STAG1: variants seen among roughly 807,000 people sequenced by gnomAD.
The protein encoded by STAG1 is STAG1 cohesin complex component, also known as cohesin subunit SA-1.
Under a neutral mutation model 170.9 loss-of-function variants are expected in STAG1, and 26 were observed. The ratio of observed to expected loss-of-function variants is 0.15; its 90% CI spans 0.11 to 0.21. STAG1 has a LOEUF of 0.21. Among genes scored for constraint, STAG1 ranks in the 10% least tolerant of loss-of-function variants. The pLI, the probability that STAG1 is intolerant of heterozygous loss-of-function variation, is 1.00. For missense variants in STAG1, 964 were observed against 1,509.5 expected, an observed-to-expected ratio of 0.64 and a Z score of 5.99; for synonymous variants, 514 against 497.7, an observed-to-expected ratio of 1.03 and a Z score of -0.44.
chr3:136,458,450 C>T (rs1172281591), intron 13 of STAG1, among the ~76,000 whole-genome samples: 1 of 152,190 alleles, frequency 6.6e-6, no homozygotes, highest in African/African-American at 2.4e-5. Context: ...AGCCACCATG[C>T]CCTACATAAA....
At chr3:136,634,214 T>TG (rs1940457807) in intron 1 of STAG1, among the ~76,000 whole-genome samples, 1 of 151,470 alleles carries the variant, frequency 6.6e-6, no homozygotes, top group African/African-American at 2.4e-5. Flanking sequence ...TAACCAGGCG[T>TG]GGTGGCACAC....
At chr3:136,533,991 G>A (rs2107714794) in intron 6 of STAG1, among the ~76,000 whole-genome samples, 1 of 152,242 alleles carries the variant, frequency 6.6e-6, no homozygotes, top group Non-Finnish European at 1.5e-5. Flanking sequence ...AGGCATTACA[G>A]CCTGACTTCA....
chr3:136,518,073 TA>T (rs1310301543), intron 7 of STAG1: 1 of 264,286 alleles, frequency 3.8e-6, no homozygotes, highest in Non-Finnish European at 7.0e-6. Flanking sequence ...AATAAAAATG[TA>T]AAAGTATACA....
At chr3:136,660,554 C>T (rs1278095507) in intron 1 of STAG1, among the ~76,000 whole-genome samples, 3 of 152,078 alleles carry the variant, frequency 2.0e-5, no homozygotes, top group Admixed American at 6.6e-5. Context: ...CACTCAAATA[C>T]AGGAAAGGAA....
chr3:136,450,235 G>C (rs2088898269), intron 14 of STAG1, among the ~76,000 whole-genome samples: 1 of 152,174 alleles, frequency 6.6e-6, no homozygotes, highest in Non-Finnish European at 1.5e-5. Context: ...TGCAAAGTGT[G>C]ATCCTTGGAC....
At chr3:136,433,696 G>GC (rs1559798795) in intron 15 of STAG1, 37 bp from the exon 16 acceptor site, 1 of 1,362,476 alleles carries the variant, frequency 7.3e-7, no homozygotes, top group Admixed American at 1.8e-5. Flanking sequence ...TGAGTAGACA[G>GC]TTTTACAACA....
At chr3:136,444,778 C>G (rs1487854037) in intron 14 of STAG1, among the ~76,000 whole-genome samples, 2 of 152,188 alleles carry the variant, frequency 1.3e-5, no homozygotes, top group African/African-American at 4.8e-5. Context: ...TATTGGTTAT[C>G]TACTGTTATC....
chr3:136,395,322 T>G (rs990254884), intron 22 of STAG1, among the ~76,000 whole-genome samples: 1 of 151,976 alleles, frequency 6.6e-6, no homozygotes, highest in Non-Finnish European at 1.5e-5. Context: ...GGAATATAGT[T>G]GTAAAAAGAC....
intron 29 of STAG1, among the ~76,000 whole-genome samples, chr3:136,347,988 C>G (rs1393417342): frequency 2.6e-5 from 4 of 152,162 alleles, no homozygotes; most frequent in Non-Finnish European, 5.9e-5. Flanking sequence ...CATCAACAGT[C>G]AATACTGTTT....
At chr3:136,603,179 C>T (rs1307311947) in intron 4 of STAG1, among the ~76,000 whole-genome samples, 1 of 151,580 alleles carries the variant, frequency 6.6e-6, no homozygotes, top group Non-Finnish European at 1.5e-5. Flanking sequence ...ATAGTAATTC[C>T]GTTTCACAAT....
intron 1 of STAG1, among the ~76,000 whole-genome samples, chr3:136,690,009 T>G (rs1174575793): frequency 8.0e-6 from 1 of 124,624 alleles, no homozygotes; most frequent in Non-Finnish European, 1.5e-5. Flanking sequence ...CACCGCACTC[T>G]ACCCTGAGCA....
chr3:136,538,731 ACTT>A lies in STAG1; in HGVS notation c.471+3385_471+3387del, dbSNP rs550831540. On this transcript the variant is annotated intron_variant, in intron 6 of 33. Transcript: ENST00000383202. Reference sequence around the variant, plus strand: ...CACCATGCCTGACCACCACATAGTTACTTCTTAAGCACTCCTCTCGTACGTTAA... The same window carrying A: ...CACCATGCCTGACCACCACATAGTTACTTAAGCACTCCTCTCGTACGTTAA... Among the ~76,000 whole-genome samples, 542 of 152,188 alleles carry A rather than the reference ACTT, an allele frequency of 3.6e-3. 7 individuals are homozygous for A. Among genetic ancestry groups the A allele is most frequent in the Middle Eastern group, 0.014 (4 of 294 alleles).
chr3:136,732,495 GAAGA>G (rs1386857934), intron 1 of STAG1, among the ~76,000 whole-genome samples: 5 of 152,172 alleles, frequency 3.3e-5, no homozygotes, highest in African/African-American at 9.7e-5. Flanking sequence ...GCACTTTTCT[GAAGA>G]AAGAAAAGGA....
chr3:136,656,483 G>A (rs1443644857), intron 1 of STAG1, among the ~76,000 whole-genome samples: 1 of 151,942 alleles, frequency 6.6e-6, no homozygotes, highest in East Asian at 1.9e-4. Context: ...GGTGGGGGTA[G>A]AAACGGTGGT....
rs186971785 is a variant in STAG1, at chr3:136,734,684, G to A, written c.-84+17511C>T. Among the ~76,000 whole-genome samples, 1,065 of 152,004 alleles carry A rather than the reference G, an allele frequency of 7.0e-3. 15 individuals are homozygous for A. Among genetic ancestry groups the A allele is most frequent in the African/African-American group, 0.024 (985 of 41,454 alleles). Reference sequence around the variant, plus strand: ...CCACCCACATTTCATTAACCCTATTGGTTTGTTTTGTTGCTTTAGGGGTGT... The same window carrying A: ...CCACCCACATTTCATTAACCCTATTAGTTTGTTTTGTTGCTTTAGGGGTGT... On this transcript the variant is annotated intron_variant, in intron 1 of 33. Transcript: ENST00000383202.
At position 136,692,313 on chromosome 3, in the gene STAG1, C is replaced by CAAAAA. The variant is rs71157399; in HGVS notation, c.-84+59877_-84+59881dup. On this transcript the variant is annotated intron_variant, in intron 1 of 33. Transcript: ENST00000383202. Reference sequence around the variant, plus strand: ...TGGGTGACTAAGCAAGACTCCATCTCAAAAAAAAAAAAAAAAAAAAAAAAA... The same window carrying CAAAAA: ...TGGGTGACTAAGCAAGACTCCATCTCAAAAAAAAAAAAAAAAAAAAAAAAAAAAAA... Among the ~76,000 whole-genome samples, 103 of 46,228 alleles carry CAAAAA rather than the reference C, an allele frequency of 2.2e-3. 19 individuals are homozygous for CAAAAA. The highest frequency in any genetic ancestry group is 9.9e-3 in the African/African-American group (99 of 9,964). 30.3% of individuals were successfully genotyped at this position (46,228 alleles called of 152,430 possible). A position where few individuals can be genotyped will look rare whatever the true frequency, so the allele number is the denominator to read the frequency against.
chr3:136,515,994 T>C (rs1278606814), intron 7 of STAG1, among the ~76,000 whole-genome samples: 3 of 151,852 alleles, frequency 2.0e-5, no homozygotes, highest in African/African-American at 7.3e-5. Flanking sequence ...AATGAAAAGG[T>C]CAAACTCTAG....
At chr3:136,382,755 A>G (rs1938047133) in intron 22 of STAG1, among the ~76,000 whole-genome samples, 1 of 152,094 alleles carries the variant, frequency 6.6e-6, no homozygotes, top group South Asian at 2.1e-4. Flanking sequence ...GGGATGGACT[A>G]AAGACCTTCT....
intron 1 of STAG1, among the ~76,000 whole-genome samples, chr3:136,702,077 G>A (rs1318319763): frequency 5.5e-4 from 17 of 30,816 alleles, no homozygotes; most frequent in East Asian, 2.4e-3. Flanking sequence ...CATGCCGAAA[G>A]AGAGAGAGAG....
Sources: gnomAD v4.1 joint callset for allele counts (sites outside exome capture counted in the v4.1 genomes callset) on GRCh38, gnomAD v4.1.1 for gene constraint, MANE v1.5 for transcripts, NCBI Gene and HGNC (gene_info 2026-07-23, HGNC 2026-07-21) for gene names.